Variants in CHODL observed in about 807,000 individuals in gnomAD.
The protein encoded by CHODL is transmembrane protein MT75.
Under a neutral mutation model 34.5 loss-of-function variants are expected in CHODL, and 29 were observed. The ratio of observed to expected loss-of-function variants is 0.84; its 90% confidence interval spans 0.63 to 1.15. The LOEUF is 1.15. CHODL is among the 50% of genes most tolerant of loss of function. The pLI, the probability that CHODL is intolerant of heterozygous loss-of-function variation, is 0.00. For synonymous variants in CHODL, 125 were observed against 116.1 expected, an observed-to-expected ratio of 1.08 and a Z score of -0.49; for missense variants, 332 against 332.5, an observed-to-expected ratio of 1.00 and a Z score of 0.01.
intron 4 of CHODL, among the ~76,000 whole-genome samples, chr21:18,262,451 A>C (rs1277620814): frequency 6.6e-6 from 1 of 152,138 alleles, no homozygotes; most frequent in Non-Finnish European, 1.5e-5. Context: ...TGCTGTAGAC[A>C]ACTGTAACAT....
At chr21:18,167,372 TG>T (rs1250509811) in intron 2 of CHODL, among the ~76,000 whole-genome samples, 4 of 149,100 alleles carry the variant, frequency 2.7e-5, no homozygotes, top group African/African-American at 9.9e-5. Context: ...TGCAGTGGTG[TG>T]ATCTCAGCTC....
intron 2 of CHODL, among the ~76,000 whole-genome samples, chr21:18,052,989 T>G (rs1360482372): frequency 6.6e-6 from 1 of 151,970 alleles, no homozygotes; most frequent in Non-Finnish European, 1.5e-5. Flanking sequence ...GGAGTATATT[T>G]AATTTCTCAT....
intron 2 of CHODL, among the ~76,000 whole-genome samples, chr21:18,172,908 T>C (rs2073249462): frequency 6.6e-6 from 1 of 152,170 alleles, no homozygotes; most frequent in African/African-American, 2.4e-5. Flanking sequence ...GGTTCTCATC[T>C]GGAGCTGTGG....
intron 2 of CHODL, among the ~76,000 whole-genome samples, chr21:18,146,431 G>T (rs1415124474): frequency 6.6e-6 from 1 of 152,118 alleles, no homozygotes; most frequent in Admixed American, 6.5e-5. Flanking sequence ...TTGGGTCATG[G>T]AGGTGGTTCC....
intron 2 of CHODL, among the ~76,000 whole-genome samples, chr21:18,080,677 T>C (rs918808846): frequency 3.3e-5 from 5 of 152,192 alleles, no homozygotes; most frequent in African/African-American, 9.6e-5. Context: ...TCCATTGTGT[T>C]CCATTGATCT....
At chr21:18,024,173 T>C (rs1450215993) in intron 1 of CHODL, among the ~76,000 whole-genome samples, 1 of 152,250 alleles carries the variant, frequency 6.6e-6, no homozygotes, top group East Asian at 1.9e-4. Flanking sequence ...TTAATTAACT[T>C]AGTTGCTAAC....
chr21:18,000,515 C>G (rs1171453258), intron 1 of CHODL, among the ~76,000 whole-genome samples: 1 of 152,174 alleles, frequency 6.6e-6, no homozygotes, highest in Non-Finnish European at 1.5e-5. Flanking sequence ...ATCTAATTAG[C>G]TATTAATTGC....
At chr21:18,232,746 A>G (rs2073991409) in intron 2 of CHODL, among the ~76,000 whole-genome samples, 1 of 151,836 alleles carries the variant, frequency 6.6e-6, no homozygotes, top group African/African-American at 2.4e-5. Flanking sequence ...CTGAAGAATT[A>G]GGTGTCTGAA....
chr21:18,125,628 C>T (rs2065533615), intron 2 of CHODL, among the ~76,000 whole-genome samples: 1 of 151,346 alleles, frequency 6.6e-6, no homozygotes, highest in Non-Finnish European at 1.5e-5. Context: ...TGGAGTCTCC[C>T]TCTGTCACCC....
chr21:18,082,042 C>G (rs2146515323), intron 2 of CHODL, among the ~76,000 whole-genome samples: 1 of 152,286 alleles, frequency 6.6e-6, no homozygotes, highest in South Asian at 2.1e-4. Context: ...TCTGTGTCCC[C>G]ACCCAAATCT....
chr21:18,147,873 G>C (rs1254944206), intron 2 of CHODL, among the ~76,000 whole-genome samples: 1 of 152,224 alleles, frequency 6.6e-6, no homozygotes, highest in Non-Finnish European at 1.5e-5. Flanking sequence ...TCCTCCCTAA[G>C]CTCAAGGTGA....
chr21:18,147,250 T>C (rs1407107936), intron 2 of CHODL, among the ~76,000 whole-genome samples: 2 of 152,236 alleles, frequency 1.3e-5, no homozygotes, highest in Non-Finnish European at 2.9e-5. Context: ...AGAAGAGGAA[T>C]GGCCTGCTCC....
intron 1 of CHODL, among the ~76,000 whole-genome samples, chr21:17,967,686 G>A (rs2824582): frequency 0.34 from 51,803 of 151,594 alleles, 9,477 homozygotes; most frequent in East Asian, 0.66. Context: ...TTGGATTTGA[G>A]GAAAGGAGGA....
intron 2 of CHODL, among the ~76,000 whole-genome samples, chr21:18,120,142 A>G (rs1045837540): frequency 6.6e-6 from 1 of 152,026 alleles, no homozygotes; most frequent in Non-Finnish European, 1.5e-5. Context: ...GATCTTTGAG[A>G]TAAGAATTGT....
intron 1 of CHODL, among the ~76,000 whole-genome samples, chr21:17,999,319 G>T (rs1021518875): frequency 6.6e-6 from 1 of 152,154 alleles, no homozygotes; most frequent in Non-Finnish European, 1.5e-5. Context: ...TCTCTAGGAG[G>T]TTCCTAACTT....
chr21:18,136,958 T>C (rs993095067), intron 2 of CHODL, among the ~76,000 whole-genome samples: 1 of 152,026 alleles, frequency 6.6e-6, no homozygotes, highest in Non-Finnish European at 1.5e-5. Context: ...GCTCATCTCA[T>C]TTCACATTTG....
chr21:17,994,565 G>T (rs2063829818), intron 1 of CHODL, among the ~76,000 whole-genome samples: 1 of 152,214 alleles, frequency 6.6e-6, no homozygotes, highest in Non-Finnish European at 1.5e-5. Flanking sequence ...CACGTGTCCT[G>T]ATGGTAGTGG....
intron 2 of CHODL, among the ~76,000 whole-genome samples, chr21:18,191,546 T>C (rs915994007): frequency 6.6e-6 from 1 of 152,204 alleles, no homozygotes; most frequent in African/African-American, 2.4e-5. Flanking sequence ...TCTCTGATGA[T>C]TAATGTTGCT....
intron 2 of CHODL, among the ~76,000 whole-genome samples, chr21:18,045,125 T>C (rs138321868): frequency 1.8e-4 from 28 of 152,020 alleles, no homozygotes; most frequent in African/African-American, 6.3e-4. Flanking sequence ...CTAAGAACAA[T>C]GTATAATATC....
Sources: allele counts gnomAD v4.1 joint callset (sites outside exome capture counted in the v4.1 genomes callset), GRCh38; gene constraint gnomAD v4.1.1; transcripts MANE v1.5; gene names NCBI Gene and HGNC (gene_info 2026-07-23, HGNC 2026-07-21).